Variants in BMPR1B observed in about 807,000 individuals in gnomAD.
The protein encoded by BMPR1B is bone morphogenetic protein receptor type 1B.
A neutral mutation model predicts 59.1 loss-of-function variants in BMPR1B; 12 were observed. The ratio of observed to expected loss-of-function variants is 0.20; its 90% CI spans 0.13 to 0.33. The LOEUF (loss-of-function observed/expected upper bound fraction) is 0.33. Ranked by LOEUF, BMPR1B falls within the 10% of genes least tolerant of loss-of-function variation. The pLI is 1.00. For synonymous variants in BMPR1B, 237 were observed against 207.3 expected, an observed-to-expected ratio of 1.14 and a Z score of -1.23; for missense variants, 550 against 610.9, an observed-to-expected ratio of 0.90 and a Z score of 1.05.
intron 2 of BMPR1B, among the ~76,000 whole-genome samples, chr4:94,941,527 A>C (rs1046152911): frequency 6.6e-6 from 1 of 152,176 alleles, no homozygotes; most frequent in South Asian, 2.1e-4. Flanking sequence ...TATTTTCTTT[A>C]TAGATTTTTA....
At chr4:94,989,609 A>G (rs141986073) in intron 2 of BMPR1B, among the ~76,000 whole-genome samples, 2,017 of 152,282 alleles carry the variant, frequency 0.013, 24 homozygotes, top group Middle Eastern at 0.048. Context: ...TTTCTTTGCA[A>G]TTGAATTTTT....
intron 2 of BMPR1B, among the ~76,000 whole-genome samples, chr4:94,918,549 G>A (rs749186856): frequency 5.3e-5 from 8 of 152,096 alleles, no homozygotes; most frequent in Non-Finnish European, 1.0e-4. Context: ...TGTGGCACAC[G>A]CCTGTAGTCC....
intron 3 of BMPR1B, among the ~76,000 whole-genome samples, chr4:95,053,647 A>G (rs1276556930): frequency 1.3e-5 from 2 of 152,136 alleles, no homozygotes; most frequent in African/African-American, 2.4e-5. Context: ...CAACCAAGCT[A>G]GAAATGTACA....
intron 11 of BMPR1B, among the ~76,000 whole-genome samples, chr4:95,150,841 CCT>C (rs1255506611): frequency 1.3e-5 from 2 of 152,122 alleles, no homozygotes; most frequent in Admixed American, 1.3e-4. Context: ...TTACTTAACC[CCT>C]GAGAGCCAAG....
chr4:94,931,032 G>A (rs1729076154), intron 2 of BMPR1B, among the ~76,000 whole-genome samples: 1 of 152,034 alleles, frequency 6.6e-6, no homozygotes, highest in South Asian at 2.1e-4. Flanking sequence ...GAGGACCATT[G>A]CTTAATTTTC....
At chr4:94,817,751 G>T (rs1251614202) in intron 1 of BMPR1B, among the ~76,000 whole-genome samples, 1 of 152,150 alleles carries the variant, frequency 6.6e-6, no homozygotes, top group Non-Finnish European at 1.5e-5. Context: ...TGTGGGAAGG[G>T]CGATGGTTTC....
chr4:94,844,984 A>G (rs12645388), intron 1 of BMPR1B, among the ~76,000 whole-genome samples: 7 of 152,196 alleles, frequency 4.6e-5, no homozygotes, highest in Non-Finnish European at 8.8e-5. Context: ...AAGAGGAAAA[A>G]TTAAATTAGT....
chr4:94,938,216 G>A (rs1276825612), intron 2 of BMPR1B, among the ~76,000 whole-genome samples: 1 of 152,092 alleles, frequency 6.6e-6, no homozygotes, highest in South Asian at 2.1e-4. Context: ...TGGTGTCCAT[G>A]GTTTTTAACT....
At chr4:94,934,363 G>GT (rs1729205532) in intron 2 of BMPR1B, among the ~76,000 whole-genome samples, 1 of 150,630 alleles carries the variant, frequency 6.6e-6, no homozygotes, top group Admixed American at 6.6e-5. Flanking sequence ...ATCAACTGGA[G>GT]TTTTTCTCCT....
At chr4:94,812,078 T>C (rs1316559557) in intron 1 of BMPR1B, among the ~76,000 whole-genome samples, 1 of 152,180 alleles carries the variant, frequency 6.6e-6, no homozygotes, top group Non-Finnish European at 1.5e-5. Context: ...GGTTATGTGG[T>C]CTGCTTGCCA....
chr4:94,819,676 T>G (rs79806133), intron 1 of BMPR1B, among the ~76,000 whole-genome samples: 3,193 of 152,322 alleles, frequency 0.021, 67 homozygotes, highest in South Asian at 0.089. Flanking sequence ...ATAACATTGG[T>G]TGTGACCTTG....
chr4:94,993,739 C>A (rs1013483949), intron 2 of BMPR1B, among the ~76,000 whole-genome samples: 24 of 104,298 alleles, frequency 2.3e-4, no homozygotes, highest in Non-Finnish European at 3.9e-4. Flanking sequence ...CCAGCCTGGG[C>A]AACAGAGCAA....
intron 3 of BMPR1B, among the ~76,000 whole-genome samples, chr4:95,020,771 GCAGCCTCCAACTC>G (rs1485523067): frequency 3.9e-5 from 6 of 152,282 alleles, no homozygotes; most frequent in Admixed American, 1.3e-4. Flanking sequence ...GTTACTCACT[GCAGCCTCCAACTC>G]CAGCCTTGAA....
chr4:94,793,165 C>G (rs571441591), intron 1 of BMPR1B, among the ~76,000 whole-genome samples: 4 of 152,224 alleles, frequency 2.6e-5, no homozygotes, highest in Admixed American at 2.6e-4. Flanking sequence ...TATCCCTCCC[C>G]CCTTCCCCCA....
chr4:94,854,599 A>G (rs1326483451), intron 1 of BMPR1B, among the ~76,000 whole-genome samples: 3 of 152,184 alleles, frequency 2.0e-5, no homozygotes, highest in Non-Finnish European at 2.9e-5. Context: ...TGTAAAATGC[A>G]GTAAGGTTCT....
At chr4:94,767,942 C>A (rs908588585) in intron 1 of BMPR1B, among the ~76,000 whole-genome samples, 1 of 151,652 alleles carries the variant, frequency 6.6e-6, no homozygotes, top group Non-Finnish European at 1.5e-5. Context: ...ATCATTTCAC[C>A]ATTCTGTGAA....
At chr4:94,761,057 T>C (rs1578613029) in intron 1 of BMPR1B, among the ~76,000 whole-genome samples, 1 of 152,202 alleles carries the variant, frequency 6.6e-6, no homozygotes, top group Admixed American at 6.5e-5. Flanking sequence ...GAATTGAGAC[T>C]TTACTTTTTT....
Position 95,152,729 on chromosome 4 carries a change from A to C in BMPR1B, c.1339A>C (p.Lys447Gln). 5 of 1,608,632 alleles carry C rather than the reference A, an allele frequency of 3.1e-6. No individual in the cohort carries two copies. In the Admixed American group the frequency reaches 6.7e-5, roughly 22 times the overall value. Residue 447 changes from lysine to glutamine, a missense_variant, in exon 12 of 13, where the codon AAG becomes CAG. Physicochemically the swap from Lys to Gln is moderately conservative, Grantham distance 53 (BLOSUM62 1). Coordinates refer to ENST00000515059, the MANE Select transcript of BMPR1B (RefSeq NM_001203.3). ...YEDMREIVCI[K>Q]KLRPSFPNRW... ...GGACATGAGGGAGATTGTGTGCATC[A>C]AGAAGTTACGCCCCTCATTCCCAAA...
intron 3 of BMPR1B, among the ~76,000 whole-genome samples, chr4:95,028,697 A>T (rs1396212573): frequency 1.3e-5 from 2 of 152,168 alleles, no homozygotes; most frequent in Non-Finnish European, 2.9e-5. Flanking sequence ...AAATTTTTAA[A>T]AGATGCCTTG....
Sources: allele counts gnomAD v4.1 joint callset (sites outside exome capture counted in the v4.1 genomes callset), GRCh38; gene constraint gnomAD v4.1.1; transcripts MANE v1.5; gene names NCBI Gene and HGNC (gene_info 2026-07-23, HGNC 2026-07-21).